ZNF333: variants seen among roughly 807,000 people sequenced by gnomAD.
ZNF333 encodes the protein zinc finger protein 333.
A neutral mutation model predicts 76.1 loss-of-function variants in ZNF333; 61 were observed. The ratio of observed to expected loss-of-function variants is 0.80; its 90% confidence interval spans 0.65 to 0.99. ZNF333 has a LOEUF of 0.99. Among genes scored for constraint, ZNF333 ranks in the 50% least tolerant of loss-of-function variants. The pLI, the probability that ZNF333 is intolerant of heterozygous loss-of-function variation, is 0.00. For synonymous variants in ZNF333, 284 were observed against 305.0 expected (o/e 0.93, Z 0.72); for missense variants, 717 against 822.4 (o/e 0.87, Z 1.57).
chr19:14,705,085 T>G lies in ZNF333; in HGVS notation c.338T>G (p.Val113Gly). ...GGGCTGTTCCTGAGGATGCAGCTGG[T>G]GCCCTCCATAGAAGAGAGGGAGACA... ...GPGLFLRMQL[V>G]PSIEERETPL... The change falls in exon 6 of 12, where the codon GTG becomes GGG. Residue 113 changes from valine (V) to glycine (G), a missense_variant. Val to Gly is a moderately radical substitution (Grantham distance 109, BLOSUM62 -3). Transcript: ENST00000292530. The G allele has an allele frequency of 1.2e-6, 2 of 1,613,984 alleles. No homozygotes were observed. Among genetic ancestry groups the G allele is most frequent in the Non-Finnish European group, 1.7e-6 (2 of 1,179,922 alleles).
Position 14,719,902 on chromosome 19 carries a change from C to G in ZNF333, c.*577C>G. On this transcript the variant is annotated 3_prime_UTR_variant, in exon 12 of 12. Transcript: ENST00000292530. ...TGCACTATTAAAAAGCTTCCATCTC[C>G]CGGCTGGGCACGGTGGCTCATGCCT... 1 of 985,576 alleles carries G rather than the reference C, an allele frequency of 1.0e-6. No homozygotes were observed. The highest frequency in any genetic ancestry group is 4.7e-5 in the South Asian group (1 of 21,278). The allele number at this position is 985,576 out of a possible 1,614,324, so 61.1% of individuals were successfully genotyped here.
At chr19:14,691,947 G>C (rs937968493) in intron 1 of ZNF333, among the ~76,000 whole-genome samples, 3 of 152,202 alleles carry the variant, frequency 2.0e-5, no homozygotes, top group African/African-American at 7.2e-5. Flanking sequence ...AAAGTGCTGG[G>C]ATTATAGGCG....
chr19:14,708,953 C>T (rs929294434), intron 7 of ZNF333: 4 of 152,210 alleles, frequency 2.6e-5, no homozygotes, highest in Admixed American at 6.5e-5. Flanking sequence ...ACCTAAATCT[C>T]ATGTCAAATT....
chr19:14,705,964 A>C (rs997038588), intron 6 of ZNF333: 1 of 389,978 alleles, frequency 2.6e-6, no homozygotes, highest in African/African-American at 2.1e-5. Context: ...GCATGAGGAG[A>C]AAAGGCCTCT....
chr19:14,704,193 T>C (rs923837418), intron 5 of ZNF333, among the ~76,000 whole-genome samples: 5 of 152,268 alleles, frequency 3.3e-5, no homozygotes, highest in African/African-American at 1.2e-4. Flanking sequence ...ATCTGCAGTG[T>C]GTTCAAGCCT....
chr19:14,708,413 C>G (rs867917007), intron 7 of ZNF333: 1 of 401,164 alleles, frequency 2.5e-6, no homozygotes, highest in South Asian at 1.3e-4. Flanking sequence ...CTCCGTGGAG[C>G]TCACGGTCAG....
rs2042491566 is a variant in ZNF333, at chr19:14,718,173, G to C, written c.901-55G>C. The stretch of plus-strand genomic sequence containing the variant: ...TCTTACATTCATTTCACATAGGGGA[G>C]AATATCTGTGAATCTAATAAGGCCT... On this transcript the variant is annotated intron_variant, in intron 11 of 11. Transcript: ENST00000292530. 18 of 1,544,702 alleles carry C rather than the reference G, an allele frequency of 1.2e-5. No individual in the cohort carries two copies. The South Asian group carries it at 2.1e-4, about 18-fold the overall frequency.
chr19:14,724,763 T>A (rs758738801), downstream of ZNF333, among the ~76,000 whole-genome samples: 37 of 152,252 alleles, frequency 2.4e-4, no homozygotes, highest in Non-Finnish European at 4.4e-4. Context: ...TGAAATTTTG[T>A]CTCAAAAAGA....
At position 14,700,088 on chromosome 19, in the gene ZNF333, T is replaced by G. The variant is rs1030287228; in HGVS notation, c.306+807T>G. 4 of 152,306 alleles carry G rather than the reference T, an allele frequency of 2.6e-5. No individual in the cohort carries two copies. In the South Asian group the frequency reaches 8.3e-4, roughly 31 times the overall value. 9.4% of individuals were successfully genotyped at this position (152,306 alleles called of 1,614,324 possible). A position where few individuals can be genotyped will look rare whatever the true frequency, so the allele number is the denominator to read the frequency against. On this transcript the variant is annotated intron_variant, in intron 5 of 11. Transcript: ENST00000292530. ...GGCATGTTCATGGCTCACTGCAGCC[T>G]CAAACTCCTGGGCTCAAGCGATCCT...
chr19:14,732,365 T>C, exon 12 of ZNF333: 1 of 152,234 alleles, frequency 6.6e-6, no homozygotes, highest in South Asian at 2.1e-4. Flanking sequence ...AGGGTAAGCA[T>C]ACTTTTATGC....
In ZNF333 at chr19:14,721,858, AT is replaced by A. The variant is rs1471820350; in HGVS notation, c.*2535del. ...TATTGTGAATAATCCTGCAGGTTTT[AT>A]TGTTATGAATAAAGCTGCTGTGAAT... On this transcript the variant is annotated 3_prime_UTR_variant, in exon 12 of 12. Coordinates refer to ENST00000292530, the MANE Select transcript of ZNF333 (RefSeq NM_032433.4). 1 of 152,162 alleles carries A rather than the reference AT, an allele frequency of 6.6e-6. No individual in the cohort carries two copies. Among genetic ancestry groups the A allele is most frequent in the Non-Finnish European group, 1.5e-5 (1 of 68,024 alleles). 9.4% of individuals were successfully genotyped at this position (152,162 alleles called of 1,614,324 possible). A position where few individuals can be genotyped will look rare whatever the true frequency, so the allele number is the denominator to read the frequency against.
At chr19:14,690,908 C>T (rs1972718258) in intron 1 of ZNF333, among the ~76,000 whole-genome samples, 1 of 152,154 alleles carries the variant, frequency 6.6e-6, no homozygotes, top group Non-Finnish European at 1.5e-5. Flanking sequence ...GCCTGGCCAA[C>T]ATGGTGAAAC....
chr19:14,732,924 A>G (rs1379062687), exon 12 of ZNF333: 1 of 152,196 alleles, frequency 6.6e-6, no homozygotes, highest in East Asian at 1.9e-4. Flanking sequence ...TAACATATAC[A>G]CTATCAGGCT....
intron 4 of ZNF333, 96 bp downstream of exon 4, chr19:14,695,757 A>C (rs1973133088): frequency 9.4e-7 from 1 of 1,059,540 alleles, no homozygotes; most frequent in Non-Finnish European, 1.4e-6. Flanking sequence ...CTTTGTTCTG[A>C]GGGGACATCG....
intron 7 of ZNF333, among the ~76,000 whole-genome samples, chr19:14,711,745 C>A (rs1031702783): frequency 5.3e-5 from 8 of 152,096 alleles, no homozygotes; most frequent in African/African-American, 1.7e-4. Context: ...TGACATGGAG[C>A]ATTTTTGTGC....
intron 7 of ZNF333, chr19:14,708,433 C>G: frequency 2.5e-6 from 1 of 401,094 alleles, no homozygotes; most frequent in Non-Finnish European, 4.4e-6. Context: ...GCTGGGTGGT[C>G]AGAGTTCGAA....
intron 4 of ZNF333, 36 bp downstream of exon 4, chr19:14,695,697 CCT>C: frequency 1.3e-6 from 2 of 1,587,720 alleles, no homozygotes; most frequent in Non-Finnish European, 1.7e-6. Flanking sequence ...CCCCGACCCC[CCT>C]GGTTGGGTGG....
chr19:14,716,138 T>A lies in ZNF333; in HGVS notation c.627T>A (p.Ala209=). Residue 209 remains alanine, a synonymous_variant, in exon 9 of 12, where the codon GCT becomes GCA. Transcript: ENST00000292530. The part of the protein sequence containing the change: ...SQEPVTFADV[A]VVFTPEEWVF... ...AACCAGTCACCTTTGCAGATGTGGC[T>A]GTGGTGTTCACCCCAGAAGAATGGG... 1 of 1,614,172 alleles carries A rather than the reference T, an allele frequency of 6.2e-7. No individual in the cohort carries two copies. The highest frequency in any genetic ancestry group is 2.2e-5 in the East Asian group (1 of 44,884).
intron 7 of ZNF333, chr19:14,707,928 T>C (rs1372116926): frequency 5.0e-6 from 2 of 400,964 alleles, no homozygotes; most frequent in East Asian, 3.6e-5. Context: ...GAACAATTCT[T>C]AGATCTAAGT....
Sources: gnomAD v4.1 joint callset for allele counts (sites outside exome capture counted in the v4.1 genomes callset) on GRCh38, gnomAD v4.1.1 for gene constraint, MANE v1.5 for transcripts, NCBI Gene and HGNC (gene_info 2026-07-23, HGNC 2026-07-21) for gene names.